The following TRPM3 variants were observed in gnomAD, a reference collection of about 807,000 sequenced individuals.
The protein encoded by TRPM3 is transient receptor potential cation channel subfamily M member 3.
In TRPM3, 77 loss-of-function variants were observed where a neutral mutation model predicts 181.2. The ratio of observed to expected loss-of-function variants is 0.42; its 90% confidence interval spans 0.35 to 0.51. The LOEUF (loss-of-function observed/expected upper bound fraction) is 0.51, where lower values mean the gene tolerates loss of function less well. TRPM3 is among the 20% of genes least tolerant of loss of function. The pLI, the probability that TRPM3 is intolerant of heterozygous loss-of-function variation, is 0.01. For missense variants in TRPM3, 1,759 were observed against 2,196.7 expected, an observed-to-expected ratio of 0.80 and a Z score of 3.98; for synonymous variants, 745 against 796.4, an observed-to-expected ratio of 0.94 and a Z score of 1.09.
chr9:70,664,228 T>C (rs886403636), intron 9 of TRPM3, among the ~76,000 whole-genome samples: 2 of 152,142 alleles, frequency 1.3e-5, no homozygotes, highest in African/African-American at 4.8e-5. Context: ...ATCATTGAAT[T>C]TTCATAAAAA....
intron 1 of TRPM3, among the ~76,000 whole-genome samples, chr9:71,102,812 T>TC (rs1452878456): frequency 6.6e-6 from 1 of 152,174 alleles, no homozygotes; most frequent in East Asian, 1.9e-4. Flanking sequence ...GTTGGTCAGA[T>TC]CCTAGACTGT....
chr9:71,437,641 G>A (rs1224870351), intron 1 of TRPM3, among the ~76,000 whole-genome samples: 1 of 152,016 alleles, frequency 6.6e-6, no homozygotes, highest in East Asian at 1.9e-4. Context: ...GCTATGGTGG[G>A]CGGATCACCT....
At chr9:71,212,738 T>C (rs2079583618) in intron 1 of TRPM3, among the ~76,000 whole-genome samples, 2 of 152,312 alleles carry the variant, frequency 1.3e-5, no homozygotes, top group South Asian at 4.1e-4. Context: ...GCGGAAGATT[T>C]TTCTTAAAGA....
chr9:70,986,476 A>G (rs2097422958), intron 1 of TRPM3, among the ~76,000 whole-genome samples: 1 of 152,202 alleles, frequency 6.6e-6, no homozygotes, highest in African/African-American at 2.4e-5. Context: ...GTTTATAATA[A>G]TTCAGAATTG....
chr9:71,290,258 A>G (rs2085692484), intron 1 of TRPM3, among the ~76,000 whole-genome samples: 1 of 152,108 alleles, frequency 6.6e-6, no homozygotes, highest in African/African-American at 2.4e-5. Context: ...AGTCTAAGAT[A>G]GTACAGGAAT....
At chr9:71,009,972 C>T (rs984163968) in intron 1 of TRPM3, among the ~76,000 whole-genome samples, 4 of 152,122 alleles carry the variant, frequency 2.6e-5, no homozygotes, top group Non-Finnish European at 5.9e-5. Flanking sequence ...CAGGAACACA[C>T]ATTGGGGAAA....
chr9:71,061,286 T>C (rs2061305158), intron 1 of TRPM3, among the ~76,000 whole-genome samples: 1 of 152,052 alleles, frequency 6.6e-6, no homozygotes, highest in Non-Finnish European at 1.5e-5. Context: ...TTTAAATGAA[T>C]GGATAAAAGA....
intron 1 of TRPM3, among the ~76,000 whole-genome samples, chr9:71,418,499 C>A (rs2131510650): frequency 6.6e-6 from 1 of 151,918 alleles, no homozygotes; most frequent in South Asian, 2.1e-4. Context: ...CTGGTCTCAT[C>A]CTTGCCCACA....
Position 70,535,918 on chromosome 9 carries a change from A to T in TRPM3, c.*35T>A, listed in dbSNP as rs756244514. On this transcript the variant is annotated 3_prime_UTR_variant, in exon 26 of 26. Coordinates refer to ENST00000677713, the MANE Select transcript of TRPM3 (RefSeq NM_001366145.2). ...GAGTTGGAGAGAATTTTAGGGCTGG[A>T]TTCTTGAGCCTTCTGTGGCGGATAT... 8.5e-6 allele frequency: 13 copies of T among 1,537,594 alleles called. No homozygotes were observed. The highest frequency in any genetic ancestry group is 1.8e-4 in the Middle Eastern group (1 of 5,688).
rs188108871 is a variant in TRPM3 at position 71,293,015 on chromosome 9, C to G, written c.183+153638G>C. The stretch of plus-strand genomic sequence containing the variant: ...AACATCAGAATCCAGAAATGTAAGT[C>G]AACACAGCTACAGTTCAAAGAAAGA... On this transcript the variant is annotated intron_variant, in intron 1 of 24. Transcript: ENST00000357533. Among the ~76,000 whole-genome samples the G allele has an allele frequency of 3.1e-3, 472 of 151,970 alleles. 1 individual carries two copies. The highest frequency in any genetic ancestry group is 8.1e-3 in the South Asian group (39 of 4,830).
chr9:71,182,047 C>T (rs970451637), intron 1 of TRPM3, among the ~76,000 whole-genome samples: 1 of 152,060 alleles, frequency 6.6e-6, no homozygotes, highest in Non-Finnish European at 1.5e-5. Flanking sequence ...TATTCATGCC[C>T]CATACTCTCT....
chr9:71,239,378 A>G (rs922222842), intron 1 of TRPM3, among the ~76,000 whole-genome samples: 1 of 152,148 alleles, frequency 6.6e-6, no homozygotes, highest in African/African-American at 2.4e-5. Context: ...AGGAAAATAT[A>G]CATTATTTTC....
chr9:70,961,756 C>T (rs1590107825), intron 1 of TRPM3, among the ~76,000 whole-genome samples: 1 of 151,966 alleles, frequency 6.6e-6, no homozygotes, highest in Admixed American at 6.6e-5. Flanking sequence ...ACCCAGGATC[C>T]CTAGCATGAT....
rs1790336049 is a variant in TRPM3, at chr9:70,767,851, G to A, written c.1149-6127C>T. 2.0e-5 allele frequency among the ~76,000 whole-genome samples: 3 copies of A among 152,166 alleles called. No individual in the cohort carries two copies. In the South Asian group the frequency reaches 6.2e-4, roughly 32 times the overall value. On this transcript the variant is annotated intron_variant, in intron 7 of 25. Transcript: ENST00000677713. The stretch of plus-strand genomic sequence containing the variant: ...CTCTTAAAATGAGGGTTCCAAGAGA[G>A]AGCATTCAAAGCGACTCAGGCAGAA...
At chr9:71,159,841 T>C (rs193010260) in intron 1 of TRPM3, among the ~76,000 whole-genome samples, 5 of 152,308 alleles carry the variant, frequency 3.3e-5, no homozygotes, top group African/African-American at 1.2e-4. Context: ...TCTGCTGAGA[T>C]GTGAGTAGAT....
chr9:70,552,166 G>A (rs150356846), intron 24 of TRPM3, among the ~76,000 whole-genome samples: 26 of 152,256 alleles, frequency 1.7e-4, no homozygotes, highest in African/African-American at 6.0e-4. Flanking sequence ...TTAATGGAGC[G>A]TGGTACCCAA....
chr9:70,966,037 CAAA>C (rs201624720), intron 1 of TRPM3, among the ~76,000 whole-genome samples: 1 of 127,794 alleles, frequency 7.8e-6, no homozygotes, highest in Non-Finnish European at 1.7e-5. Flanking sequence ...AACAAATTTA[CAAA>C]AAAAAAAAAC....
intron 1 of TRPM3, among the ~76,000 whole-genome samples, chr9:71,281,187 G>C (rs1417998950): frequency 6.6e-6 from 1 of 152,176 alleles, no homozygotes; most frequent in Admixed American, 6.5e-5. Context: ...AAGTGACAAG[G>C]ACCAACCCTG....
intron 1 of TRPM3, among the ~76,000 whole-genome samples, chr9:71,291,613 A>T (rs893581668): frequency 6.6e-6 from 1 of 152,144 alleles, no homozygotes; most frequent in Non-Finnish European, 1.5e-5. Context: ...GAAAGTCATT[A>T]CCTATTGATA....
Sources: allele counts gnomAD v4.1 joint callset (sites outside exome capture counted in the v4.1 genomes callset), GRCh38; gene constraint gnomAD v4.1.1; transcripts MANE v1.5; gene names NCBI Gene and HGNC (gene_info 2026-07-23, HGNC 2026-07-21).